The following DFFA variants were observed in gnomAD, a reference collection of about 807,000 sequenced individuals.
DFFA encodes the protein DFF45.
DFFA carries 14 observed loss-of-function variants against 28.0 expected under a neutral mutation model. The observed-to-expected ratio is 0.50, with a 90% confidence interval of 0.33 to 0.78. DFFA has a LOEUF of 0.78. Ranked by LOEUF, DFFA falls within the 30% of genes least tolerant of loss-of-function variation. The pLI, the probability that DFFA is intolerant of heterozygous loss-of-function variation, is 0.02. For missense variants in DFFA, 395 were observed against 407.1 expected (o/e 0.97, Z 0.26); for synonymous variants, 158 against 170.3 (o/e 0.93, Z 0.56).
At chr1:10,470,692 T>A (rs2124349617) in intron 1 of DFFA, among the ~76,000 whole-genome samples, 1 of 149,156 alleles carries the variant, frequency 6.7e-6, no homozygotes, top group East Asian at 2.1e-4. Flanking sequence ...CCCAAAGTGC[T>A]GGGATTACAG....
chr1:10,466,096 T>C (rs1641018912), intron 3 of DFFA, among the ~76,000 whole-genome samples: 1 of 152,070 alleles, frequency 6.6e-6, no homozygotes, highest in African/African-American at 2.4e-5. Context: ...TGCAGTGAGC[T>C]ATGATCATGC....
At chr1:10,462,443 CT>C in intron 5 of DFFA, 1 of 987,796 alleles carries the variant, frequency 1.0e-6, no homozygotes, top group Non-Finnish European at 1.2e-6. Flanking sequence ...AAGCATGGGC[CT>C]TTTCTTACAA....
rs1279698733 is a variant in DFFA, at chr1:10,461,585, G to C, written c.901C>G (p.Gln301Glu). ...ATGCTCCGGAGAGAATGCAAGCTCT[G>C]CGTCTGCTGCAGGCGCAGGGCGAGC... The part of the protein sequence containing the change: ...RELALRLQQT[Q>E]SLHSLRSISA... Residue 301 changes from glutamine (Q) to glutamate (E), a missense_variant, in exon 6 of 6, where the codon CAG becomes GAG. Physicochemically the swap from Gln to Glu is conservative, Grantham distance 29. Coordinates refer to ENST00000377038, the MANE Select transcript of DFFA (RefSeq NM_004401.3). 2 of 1,614,122 alleles carry C rather than the reference G, an allele frequency of 1.2e-6. No individual in the cohort carries two copies. The highest frequency in any genetic ancestry group is 3.3e-4 in the Middle Eastern group (2 of 6,084).
intron 5 of DFFA, among the ~76,000 whole-genome samples, chr1:10,462,140 G>A (rs1640955392): frequency 2.6e-5 from 4 of 151,600 alleles, no homozygotes; most frequent in Non-Finnish European, 1.5e-5. Context: ...TTACAGGCGT[G>A]AGCCACCGCG....
In DFFA at chr1:10,467,306, C is replaced by G. The variant is rs923787980; in HGVS notation, c.325G>C (p.Glu109Gln). 3 of 1,614,024 alleles carry G rather than the reference C, an allele frequency of 1.9e-6. No individual in the cohort carries two copies. Among genetic ancestry groups the G allele is most frequent in the Admixed American group, 1.7e-5 (1 of 59,972 alleles). The part of the protein sequence containing the change: ...SDGGTAWISQ[E>Q]SFDVDETDSG... ...TCTGTTTCATCTACATCAAAGGACT[C>G]TTGGGAAATCCAAGCTGTACCTCCA... The change falls in exon 3 of 6, where the codon GAG becomes CAG. Residue 109 changes from glutamate (E) to glutamine (Q), a missense_variant. Transcript: ENST00000377038.
rs1298243543 is a variant in DFFA, at chr1:10,456,847, G to C, written c.*4643C>G. ...CATTCTTTTCTTCTACCACAAGAACGGGCATGCCCTGCCCTCTCTCACTCC... is the reference window on the plus strand; with the variant it reads ...CATTCTTTTCTTCTACCACAAGAACCGGCATGCCCTGCCCTCTCTCACTCC... On this transcript the variant is annotated 3_prime_UTR_variant, in exon 6 of 6. Transcript: ENST00000377038. 1 of 152,236 alleles carries C rather than the reference G, an allele frequency of 6.6e-6. No homozygotes were observed. The highest frequency in any genetic ancestry group is 3.4e-3 in the Middle Eastern group (1 of 294). The allele number at this position is 152,236 out of a possible 1,614,324, so 9.4% of individuals were successfully genotyped here.
At chr1:10,465,635 C>T (rs1329825742) in intron 3 of DFFA, among the ~76,000 whole-genome samples, 1 of 152,062 alleles carries the variant, frequency 6.6e-6, no homozygotes, top group East Asian at 1.9e-4. Context: ...TCGTGATCTG[C>T]CCGCCCCGGC....
chr1:10,461,763 C>T (rs1640945032), intron 5 of DFFA, 61 bp from the exon 6 acceptor site: 5 of 1,596,986 alleles, frequency 3.1e-6, no homozygotes, highest in Non-Finnish European at 4.3e-6. Flanking sequence ...CTGCTGCTCT[C>T]CTGACTCTCT....
intron 1 of DFFA, among the ~76,000 whole-genome samples, chr1:10,470,938 C>T (rs1268195694): frequency 6.6e-6 from 1 of 150,436 alleles, no homozygotes; most frequent in African/African-American, 2.4e-5. Context: ...TGGTGGGCGC[C>T]TGTAGTCCCA....
At chr1:10,468,712 T>C (rs1641053582) in intron 2 of DFFA, among the ~76,000 whole-genome samples, 1 of 151,590 alleles carries the variant, frequency 6.6e-6, no homozygotes, top group African/African-American at 2.4e-5. Flanking sequence ...ATGAGTTAGT[T>C]GAGAACTGGG....
At chr1:10,468,067 G>A (rs757121658) in intron 2 of DFFA, among the ~76,000 whole-genome samples, 1 of 152,074 alleles carries the variant, frequency 6.6e-6, no homozygotes, top group Non-Finnish European at 1.5e-5. Flanking sequence ...GAGCACAAAG[G>A]TGGCTGGTAG....
intron 3 of DFFA, 96 bp downstream of exon 3, chr1:10,467,092 CAA>C (rs1452122936): frequency 6.0e-6 from 8 of 1,336,968 alleles, no homozygotes; most frequent in Non-Finnish European, 8.1e-6. Flanking sequence ...AAGATTAAAA[CAA>C]AGAAATTGCT....
intron 3 of DFFA, among the ~76,000 whole-genome samples, chr1:10,466,520 G>A (rs930428607): frequency 2.0e-5 from 3 of 151,988 alleles, no homozygotes; most frequent in Non-Finnish European, 4.4e-5. Flanking sequence ...AAAACACAAG[G>A]AGAGAAGCTA....
intron 1 of DFFA, among the ~76,000 whole-genome samples, chr1:10,470,398 C>T (rs1641079215): frequency 6.7e-6 from 1 of 149,820 alleles, no homozygotes; most frequent in African/African-American, 2.5e-5. Context: ...CAAGCAGTCT[C>T]TCATTCATTT....
At position 10,464,900 on chromosome 1, in the gene DFFA, T is replaced by C. The variant is rs1295033529; in HGVS notation, c.442-1280A>G. ...GTTAGAGCAGAGACTGTGTCTGGCT[T>C]GTTCGCCACTGCACACCCAGTGCAT... On this transcript the variant is annotated intron_variant, in intron 3 of 5. Coordinates refer to ENST00000377038, the MANE Select transcript of DFFA (RefSeq NM_004401.3). Among the ~76,000 whole-genome samples, 3 of 152,230 alleles carry C rather than the reference T, an allele frequency of 2.0e-5. No homozygotes were observed. The East Asian group carries it at 5.8e-4, about 29-fold the overall frequency.
intron 3 of DFFA, among the ~76,000 whole-genome samples, chr1:10,466,689 G>A (rs1196325101): frequency 4.0e-5 from 6 of 151,840 alleles, no homozygotes; most frequent in Non-Finnish European, 7.4e-5. Flanking sequence ...GGCCGGGCAC[G>A]GTGGCTCACG....
chr1:10,471,062 C>CAAAAAAAA (rs59465527), intron 1 of DFFA, among the ~76,000 whole-genome samples: 1 of 96,512 alleles, frequency 1.0e-5, no homozygotes, highest in African/African-American at 3.9e-5. Context: ...CACTCCGTCT[C>CAAAAAAAA]AAAAAAAAAA....
At chr1:10,468,407 C>A (rs1477947144) in intron 2 of DFFA, among the ~76,000 whole-genome samples, 2 of 150,714 alleles carry the variant, frequency 1.3e-5, no homozygotes, top group Non-Finnish European at 3.0e-5. Flanking sequence ...TTCGTAACAT[C>A]TAGGATGCTA....
At position 10,456,664 on chromosome 1, in the gene DFFA, TTC is replaced by T. The variant is rs1260557927; in HGVS notation, c.*4824_*4825del. On this transcript the variant is annotated 3_prime_UTR_variant, in exon 6 of 6. Coordinates refer to ENST00000377038, the MANE Select transcript of DFFA (RefSeq NM_004401.3). ...TGGAAAATGAAAAATCCATTAGTTT[TTC>T]TCTTTTGCTTTTACCCAGAAATTAA... is the stretch of plus-strand genomic sequence containing the variant. 6.6e-6 allele frequency: 1 copy of T among 152,200 alleles called. No homozygotes were observed. The highest frequency in any genetic ancestry group is 2.4e-5 in the African/African-American group (1 of 41,456). The allele number at this position is 152,200 out of a possible 1,614,324, so 9.4% of individuals were successfully genotyped here. A position where few individuals can be genotyped will look rare whatever the true frequency, so the allele number is the denominator to read the frequency against.
Sources: allele counts gnomAD v4.1 joint callset (sites outside exome capture counted in the v4.1 genomes callset), GRCh38; gene constraint gnomAD v4.1.1; transcripts MANE v1.5; gene names NCBI Gene and HGNC (gene_info 2026-07-23, HGNC 2026-07-21).